CCDC3: variants seen among roughly 807,000 people sequenced by gnomAD.
The protein encoded by CCDC3 is coiled-coil domain containing 3.
In CCDC3, 24 loss-of-function variants were observed where a neutral mutation model predicts 21.4. The ratio of observed to expected loss-of-function variants is 1.12; its 90% CI spans 0.81 to 1.58. The LOEUF (loss-of-function observed/expected upper bound fraction) is 1.58, where lower values mean the gene tolerates loss of function less well. CCDC3 is among the 40% of genes most tolerant of loss of function. The pLI is 0.00. For missense variants in CCDC3, 425 were observed against 360.9 expected (o/e 1.18, Z -1.44); for synonymous variants, 186 against 166.0 (o/e 1.12, Z -0.93).
intron 2 of CCDC3, among the ~76,000 whole-genome samples, chr10:12,913,503 T>C (rs1408336947): frequency 1.3e-5 from 2 of 152,212 alleles, no homozygotes; most frequent in East Asian, 3.8e-4. Flanking sequence ...GTTCTTTTTG[T>C]GTGTAAGATC....
chr10:12,995,462 A>T (rs1835747231), intron 2 of CCDC3, among the ~76,000 whole-genome samples: 1 of 152,152 alleles, frequency 6.6e-6, no homozygotes, highest in Non-Finnish European at 1.5e-5. Flanking sequence ...GGCCGGTCTT[A>T]AACTCCTGAC....
chr10:13,077,260 T>A (rs1306482437), intron 3 of CCDC3, among the ~76,000 whole-genome samples: 14 of 152,078 alleles, frequency 9.2e-5, no homozygotes, highest in Admixed American at 3.9e-4. Flanking sequence ...CCATTCACAA[T>A]TGCTTCAAAT....
At position 13,046,669 on chromosome 10, in the gene CCDC3, T is replaced by G. The variant is rs183034895; in HGVS notation, c.-2+3005A>C. On this transcript the variant is annotated intron_variant, in intron 5 of 6. Coordinates refer to the CCDC3 transcript ENST00000378839. The stretch of plus-strand genomic sequence containing the variant: ...TTGCAGTAAGCTGAGACCGGGCCAT[T>G]GCACTCCCGCCTGGGCAACAAGAGC... Among the ~76,000 whole-genome samples the G allele has an allele frequency of 3.7e-3, 560 of 150,318 alleles. 4 individuals carry two copies. Among genetic ancestry groups the G allele is most frequent in the African/African-American group, 0.013 (522 of 40,840 alleles).
At chr10:13,047,270 T>C (rs1043976328) in intron 5 of CCDC3, among the ~76,000 whole-genome samples, 1 of 152,186 alleles carries the variant, frequency 6.6e-6, no homozygotes, top group African/African-American at 2.4e-5. Context: ...TACCCAAATT[T>C]GAAGCCCATG....
chr10:12,930,707 TG>T (rs1459891370), intron 2 of CCDC3, among the ~76,000 whole-genome samples: 1 of 152,204 alleles, frequency 6.6e-6, no homozygotes, highest in East Asian at 1.9e-4. Flanking sequence ...ACTATGCTCC[TG>T]GGTCAGTGGG....
intron 3 of CCDC3, among the ~76,000 whole-genome samples, chr10:13,074,601 T>C (rs539579223): frequency 2.0e-5 from 3 of 151,626 alleles, no homozygotes; most frequent in Admixed American, 6.6e-5. Context: ...CCTCAGCTTT[T>C]ATAGATTTTT....
chr10:13,006,917 A>G (rs1281470686), intron 5 of CCDC3, among the ~76,000 whole-genome samples: 1 of 152,182 alleles, frequency 6.6e-6, no homozygotes, highest in East Asian at 1.9e-4. Flanking sequence ...GGTTGCCCAC[A>G]TATTTACTTT....
chr10:12,986,785 C>A (rs72777446), intron 2 of CCDC3, among the ~76,000 whole-genome samples: 221 of 148,584 alleles, frequency 1.5e-3, no homozygotes, highest in East Asian at 8.0e-3. Context: ...AAAAAAAAAA[C>A]AAAAAAACAA....
chr10:12,926,427 A>G (rs74598622), intron 2 of CCDC3, among the ~76,000 whole-genome samples: 8,491 of 152,206 alleles, frequency 0.056, 251 homozygotes, highest in Non-Finnish European at 0.072. Context: ...CCCACTCTAG[A>G]GTGCCTTATT....
chr10:12,939,131 C>A (rs900646446), intron 2 of CCDC3, among the ~76,000 whole-genome samples: 2 of 151,968 alleles, frequency 1.3e-5, no homozygotes, highest in Non-Finnish European at 2.9e-5. Context: ...GACTTTTAGC[C>A]TTTAACGCTT....
chr10:13,042,439 G>C (rs558853462), intron 5 of CCDC3, among the ~76,000 whole-genome samples: 1 of 152,370 alleles, frequency 6.6e-6, no homozygotes, highest in South Asian at 2.1e-4. Context: ...CCATGGCCCA[G>C]TTGATGAGGT....
At chr10:13,048,093 G>A (rs1470093) in intron 5 of CCDC3, among the ~76,000 whole-genome samples, 43,780 of 152,060 alleles carry the variant, frequency 0.29, 6,851 homozygotes, top group African/African-American at 0.4. Context: ...GGGATGTTTT[G>A]TATTTTATCC....
chr10:12,957,431 G>A (rs1835106490), intron 2 of CCDC3, among the ~76,000 whole-genome samples: 1 of 152,210 alleles, frequency 6.6e-6, no homozygotes, highest in Admixed American at 6.5e-5. Flanking sequence ...GCTAAAGGTT[G>A]CTAGAATTTT....
chr10:13,077,057 A>T (rs1234630717), intron 3 of CCDC3, among the ~76,000 whole-genome samples: 1 of 152,232 alleles, frequency 6.6e-6, no homozygotes, highest in Non-Finnish European at 1.5e-5. Flanking sequence ...TTAGGAAAAG[A>T]GGAAGTCAAA....
chr10:12,960,755 G>A (rs185993970), intron 2 of CCDC3, among the ~76,000 whole-genome samples: 2 of 152,330 alleles, frequency 1.3e-5, no homozygotes, highest in East Asian at 1.9e-4. Context: ...CACAGATAAA[G>A]AATCGCTTGG....
chr10:13,007,610 C>T (rs1483831779), intron 5 of CCDC3, among the ~76,000 whole-genome samples: 1 of 152,070 alleles, frequency 6.6e-6, no homozygotes, highest in Non-Finnish European at 1.5e-5. Context: ...ACTAGTTGAA[C>T]TTAATTATGA....
chr10:13,058,098 C>T (rs1836705724), intron 4 of CCDC3: 2 of 782,298 alleles, frequency 2.6e-6, no homozygotes, highest in Non-Finnish European at 4.6e-6. Flanking sequence ...TTCTGGTGTA[C>T]TTCTGCAATA....
At chr10:12,917,149 G>A (rs1464830691) in intron 2 of CCDC3, among the ~76,000 whole-genome samples, 1 of 148,896 alleles carries the variant, frequency 6.7e-6, no homozygotes, top group Non-Finnish European at 1.5e-5. Flanking sequence ...GGTTGGGGGA[G>A]GTGATGTTGG....
intron 5 of CCDC3, among the ~76,000 whole-genome samples, chr10:13,025,484 C>A (rs1054110502): frequency 6.6e-6 from 1 of 152,218 alleles, no homozygotes; most frequent in Non-Finnish European, 1.5e-5. Flanking sequence ...CAAATTCTAT[C>A]ACAGCCTTCA....
Sources: gnomAD v4.1 joint callset for allele counts (sites outside exome capture counted in the v4.1 genomes callset) on GRCh38, gnomAD v4.1.1 for gene constraint, MANE v1.5 for transcripts, NCBI Gene and HGNC (gene_info 2026-07-23, HGNC 2026-07-21) for gene names.